Variants in ADAMTS14 observed in about 807,000 individuals in gnomAD.
The protein encoded by ADAMTS14 is ADAM metallopeptidase with thrombospondin type 1 motif 14, also known as A disintegrin and metalloproteinase with thrombospondin motifs 14.
A neutral mutation model predicts 128.6 loss-of-function variants in ADAMTS14; 100 were observed. The ratio of observed to expected loss-of-function variants is 0.78; its 90% CI spans 0.66 to 0.92. The LOEUF (loss-of-function observed/expected upper bound fraction) is 0.92. Among genes scored for constraint, ADAMTS14 ranks in the 40% least tolerant of loss-of-function variants. The pLI is 0.00. For synonymous variants in ADAMTS14, 665 were observed against 653.8 expected, an observed-to-expected ratio of 1.02 and a Z score of -0.26; for missense variants, 1,562 against 1,658.6, an observed-to-expected ratio of 0.94 and a Z score of 1.01.
Position 70,744,127 on chromosome 10 carries a change from G to C in ADAMTS14, c.2120G>C (p.Gly707Ala). ...MKADDKCGVCGGDNSHCRTVK... is the reference protein window; with the variant it reads ...MKADDKCGVCAGDNSHCRTVK... The stretch of plus-strand genomic sequence containing the variant: ...GCGGATGACAAGTGTGGAGTCTGCG[G>C]GGGTGACAACTCCCACTGCAGGACT... The change falls in exon 14 of 22, where the codon GGG becomes GCG. Residue 707 changes from glycine to alanine, a missense_variant. Gly to Ala is a moderately conservative substitution (Grantham distance 60). Coordinates refer to ENST00000373207, the MANE Select transcript of ADAMTS14 (RefSeq NM_080722.4). 1 of 1,562,006 alleles carries C rather than the reference G, an allele frequency of 6.4e-7. No individual in the cohort carries two copies.
At chr10:70,739,681 A>G (rs1374595019) in intron 11 of ADAMTS14, among the ~76,000 whole-genome samples, 1 of 152,102 alleles carries the variant, frequency 6.6e-6, no homozygotes, top group Non-Finnish European at 1.5e-5. Context: ...CCCCACAACA[A>G]CAGGGCCTGG....
At chr10:70,697,185 A>G (rs748761568) in intron 2 of ADAMTS14, among the ~76,000 whole-genome samples, 22 of 152,248 alleles carry the variant, frequency 1.4e-4, no homozygotes, top group Non-Finnish European at 2.9e-4. Flanking sequence ...CAGATAGGCC[A>G]GCCTTGGAAG....
At position 70,697,762 on chromosome 10, in the gene ADAMTS14, TG is replaced by T. The variant is rs946377141; in HGVS notation, c.523-4547del. Among the ~76,000 whole-genome samples, 7 of 127,448 alleles carry T rather than the reference TG, an allele frequency of 5.5e-5. No individual in the cohort carries two copies. The East Asian group carries it at 7.8e-4, about 14-fold the overall frequency. 83.6% of individuals were successfully genotyped at this position (127,448 alleles called of 152,430 possible). ...GTGACCATGTCTTCTTTGGGTGTCC[TG>T]GGCTTACACCCTGAGGGGCTTTCCC... On this transcript the variant is annotated intron_variant, in intron 2 of 21. Coordinates refer to ENST00000373207, the MANE Select transcript of ADAMTS14 (RefSeq NM_080722.4).
At chr10:70,744,576 A>T (rs1842117280) in intron 14 of ADAMTS14, among the ~76,000 whole-genome samples, 1 of 151,918 alleles carries the variant, frequency 6.6e-6, no homozygotes, top group African/African-American at 2.4e-5. Flanking sequence ...ATTTTTTTTT[A>T]AACCTGTGGC....
Position 70,674,553 on chromosome 10 carries a change from C to T in ADAMTS14, c.83-3C>T, listed in dbSNP as rs1405216694. On this transcript the variant is annotated splice_polypyrimidine_tract_variant and splice_region_variant and intron_variant, in intron 1 of 21. Transcript: ENST00000373207. ...GAAGTGACTCTTTGTTTACCTCCAACAGAGCTGCACCTCTCTGGAAAGCTC... is the reference window on the plus strand; with the variant it reads ...GAAGTGACTCTTTGTTTACCTCCAATAGAGCTGCACCTCTCTGGAAAGCTC... 1 of 1,606,978 alleles carries T rather than the reference C, an allele frequency of 6.2e-7. No homozygotes were observed. The highest frequency in any genetic ancestry group is 1.1e-5 in the South Asian group (1 of 90,642).
At chr10:70,688,316 T>C (rs1252072284) in intron 2 of ADAMTS14, among the ~76,000 whole-genome samples, 3 of 82,924 alleles carry the variant, frequency 3.6e-5, no homozygotes, top group Non-Finnish European at 5.3e-5. Context: ...TGATGGCGGC[T>C]GGGAAGAGGC....
intron 4 of ADAMTS14, among the ~76,000 whole-genome samples, chr10:70,723,826 C>G (rs1841346400): frequency 6.6e-6 from 1 of 152,170 alleles, no homozygotes; most frequent in Non-Finnish European, 1.5e-5. Flanking sequence ...CCAGAGAAAG[C>G]CCACCCCAGC....
At chr10:70,738,792 G>T (rs888860508) in intron 10 of ADAMTS14, 50 bp from the exon 11 acceptor site, 4 of 1,611,342 alleles carry the variant, frequency 2.5e-6, no homozygotes, top group African/African-American at 2.7e-5. Flanking sequence ...CCCCGGGTGG[G>T]CTCAGCAGCA....
In ADAMTS14 at chr10:70,721,019, CTTTTTTTT is replaced by C. The variant is rs56656736; in HGVS notation, c.871-8259_871-8252del. 2.6e-3 allele frequency among the ~76,000 whole-genome samples: 221 copies of C among 84,356 alleles called. 1 individual carries two copies. The highest frequency in any genetic ancestry group is 3.4e-3 in the Non-Finnish European group (159 of 46,696). The allele number at this position is 84,356 out of a possible 152,430, so 55.3% of individuals were successfully genotyped here. On this transcript the variant is annotated intron_variant, in intron 4 of 21. Coordinates refer to ENST00000373207, the MANE Select transcript of ADAMTS14 (RefSeq NM_080722.4). Reference sequence around the variant, plus strand: ...TAGAAGAGAGCTTTTTCTCTTTTTTCTTTTTTTTTTTTTTTTTTTTTTTGAGATGGACT... The same window carrying C: ...TAGAAGAGAGCTTTTTCTCTTTTTTCTTTTTTTTTTTTTTTGAGATGGACT...
At chr10:70,760,123 G>A (rs1446726852) in intron 21 of ADAMTS14, among the ~76,000 whole-genome samples, 1 of 151,992 alleles carries the variant, frequency 6.6e-6, no homozygotes, top group East Asian at 1.9e-4. Flanking sequence ...GCTGCGTGTG[G>A]GGACATCACT....
chr10:70,711,425 G>A (rs1840854527), intron 4 of ADAMTS14, among the ~76,000 whole-genome samples: 1 of 152,248 alleles, frequency 6.6e-6, no homozygotes, highest in Admixed American at 6.5e-5. Flanking sequence ...AGGCTGGAGA[G>A]CAGTTAGACA....
At chr10:70,718,810 C>T (rs570509618) in intron 4 of ADAMTS14, among the ~76,000 whole-genome samples, 1 of 152,052 alleles carries the variant, frequency 6.6e-6, no homozygotes, top group Admixed American at 6.5e-5. Context: ...GTCTCCTAAG[C>T]ACCACAGGTG....
intron 4 of ADAMTS14, among the ~76,000 whole-genome samples, chr10:70,725,162 T>A (rs528873009): frequency 6.6e-6 from 1 of 152,270 alleles, no homozygotes; most frequent in South Asian, 2.1e-4. Flanking sequence ...GGAGGTGTGC[T>A]TACAGGGAAG....
In ADAMTS14 at chr10:70,753,972, T is replaced by C; in HGVS notation, c.2902T>C (p.Cys968Arg). ...CCGACGGCCCTGTCTCCGAGTGCCC[T>C]GCCCAGCCCAGTGGAGGCTGGGAGC... ...EARRPCLRVPCPAQWRLGAWS... is the reference protein window; with the variant it reads ...EARRPCLRVPRPAQWRLGAWS... Residue 968 changes from cysteine to arginine, a missense_variant, in exon 19 of 22, where the codon TGC becomes CGC. Cys to Arg is a radical substitution (Grantham distance 180). Transcript: ENST00000373207. The C allele has an allele frequency of 1.3e-6, 2 of 1,579,338 alleles. No homozygotes were observed. The highest frequency in any genetic ancestry group is 1.7e-6 in the Non-Finnish European group (2 of 1,164,254).
At position 70,715,536 on chromosome 10, in the gene ADAMTS14, G is replaced by C. The variant is rs574820690; in HGVS notation, c.870+6758G>C. Among the ~76,000 whole-genome samples the C allele has an allele frequency of 2.0e-4, 30 of 152,164 alleles. No individual in the cohort carries two copies. The South Asian group carries it at 6.2e-3, about 32-fold the overall frequency. ...CAAATGATGGGGGTGAGGGTGGAGG[G>C]GATACTCTTTGGGGCTATGGGAAAA... On this transcript the variant is annotated intron_variant, in intron 4 of 21. Coordinates refer to ENST00000373207, the MANE Select transcript of ADAMTS14 (RefSeq NM_080722.4).
At chr10:70,720,258 T>A (rs1220801535) in intron 4 of ADAMTS14, among the ~76,000 whole-genome samples, 1 of 152,164 alleles carries the variant, frequency 6.6e-6, no homozygotes, top group East Asian at 1.9e-4. Context: ...GGCATGATCA[T>A]GAGCTTGGCA....
chr10:70,687,131 G>A (rs1371506995), intron 2 of ADAMTS14, among the ~76,000 whole-genome samples: 1,294 of 62,972 alleles, frequency 0.021, no homozygotes, highest in Non-Finnish European at 0.03. Context: ...CAGTAGGGGC[G>A]GCCGGGCAGA....
chr10:70,676,188 G>C (rs189964264), intron 2 of ADAMTS14, among the ~76,000 whole-genome samples: 127 of 151,734 alleles, frequency 8.4e-4, no homozygotes, highest in African/African-American at 2.9e-3. Context: ...GAGTGCAGTG[G>C]CTATTCACAG....
At chr10:70,741,283 C>T in intron 12 of ADAMTS14, 121 bp downstream of exon 12, 1 of 1,211,788 alleles carries the variant, frequency 8.3e-7, no homozygotes, top group African/African-American at 1.5e-5. Context: ...AGTGGGGGTG[C>T]CAAAAGGGAC....
Sources: gnomAD v4.1 joint callset for allele counts (sites outside exome capture counted in the v4.1 genomes callset) on GRCh38, gnomAD v4.1.1 for gene constraint, MANE v1.5 for transcripts, NCBI Gene and HGNC (gene_info 2026-07-23, HGNC 2026-07-21) for gene names.